TRHDE: variants seen among roughly 807,000 people sequenced by gnomAD.
TRHDE encodes thyrotropin releasing hormone degrading enzyme, also known as thyrotropin-releasing hormone-degrading ectoenzyme.
A neutral mutation model predicts 125.7 loss-of-function variants in TRHDE; 72 were observed. The observed-to-expected ratio is 0.57, with a 90% CI of 0.47 to 0.70. The LOEUF (loss-of-function observed/expected upper bound fraction) is 0.70, where lower values mean the gene tolerates loss of function less well. Among genes scored for constraint, TRHDE ranks in the 30% least tolerant of loss-of-function variants. The pLI, the probability that TRHDE is intolerant of heterozygous loss-of-function variation, is 0.00. For synonymous variants in TRHDE, 509 were observed against 509.1 expected (o/e 1.00, Z 0.00); for missense variants, 1,110 against 1,327.1 (o/e 0.84, Z 2.54).
At chr12:72,335,969 A>C (rs1415065266) in intron 2 of TRHDE, among the ~76,000 whole-genome samples, 1 of 152,208 alleles carries the variant, frequency 6.6e-6, no homozygotes, top group Non-Finnish European at 1.5e-5. Flanking sequence ...AAAAAGTAAA[A>C]GTTGTAAATT....
At chr12:72,605,188 G>A (rs1422213911) in intron 12 of TRHDE, among the ~76,000 whole-genome samples, 4 of 152,018 alleles carry the variant, frequency 2.6e-5, no homozygotes, top group South Asian at 4.2e-4. Context: ...ATGTCCCAAA[G>A]GACAAAAAGT....
chr12:72,175,946 G>C (rs1398268400), intron 2 of TRHDE, among the ~76,000 whole-genome samples: 2 of 152,188 alleles, frequency 1.3e-5, no homozygotes, highest in Non-Finnish European at 1.5e-5. Context: ...TTGTTTTATA[G>C]GGGTTTATGC....
At chr12:72,389,268 T>C (rs779105361) in intron 3 of TRHDE, among the ~76,000 whole-genome samples, 1 of 151,986 alleles carries the variant, frequency 6.6e-6, no homozygotes, top group South Asian at 2.1e-4. Flanking sequence ...GAGGAGGAGA[T>C]CTGACTTGTG....
At chr12:72,138,502 C>G (rs899394617) in intron 2 of TRHDE, among the ~76,000 whole-genome samples, 1 of 152,166 alleles carries the variant, frequency 6.6e-6, no homozygotes, top group Non-Finnish European at 1.5e-5. Flanking sequence ...CTATTCTGAT[C>G]TGGGAGGCAG....
intron 2 of TRHDE, among the ~76,000 whole-genome samples, chr12:72,227,722 C>G (rs1457036132): frequency 1.3e-5 from 2 of 152,160 alleles, no homozygotes; most frequent in African/African-American, 4.8e-5. Context: ...CCCGTAAAAT[C>G]AAAAGCAAGT....
intron 2 of TRHDE, among the ~76,000 whole-genome samples, chr12:72,213,427 C>T (rs753567201): frequency 6.6e-6 from 1 of 152,146 alleles, no homozygotes; most frequent in Non-Finnish European, 1.5e-5. Flanking sequence ...AGATATTTCT[C>T]TTAAATGCTA....
chr12:72,535,179 TAGGTGTTCTTATTATTAAA>T (rs1466555333), intron 6 of TRHDE, among the ~76,000 whole-genome samples: 1 of 152,090 alleles, frequency 6.6e-6, no homozygotes, highest in African/African-American at 2.4e-5. Context: ...AATTTTGAAA[TAGGTGTTCTTATTATTAAA>T]GGTAGTAATA....
chr12:72,627,517 C>T (rs1214865989), intron 15 of TRHDE, among the ~76,000 whole-genome samples: 1 of 151,814 alleles, frequency 6.6e-6, no homozygotes, highest in African/African-American at 2.4e-5. Flanking sequence ...TCATCAAAAT[C>T]ATCATTACTA....
At chr12:72,548,242 C>T (rs1869515266) in intron 7 of TRHDE, among the ~76,000 whole-genome samples, 1 of 151,642 alleles carries the variant, frequency 6.6e-6, no homozygotes, top group Non-Finnish European at 1.5e-5. Flanking sequence ...TTGTCTGTCT[C>T]TGTAGAAGTT....
At chr12:72,344,490 G>C (rs1870224311) in intron 2 of TRHDE, among the ~76,000 whole-genome samples, 1 of 152,234 alleles carries the variant, frequency 6.6e-6, no homozygotes, top group South Asian at 2.1e-4. Flanking sequence ...AATGGACCAA[G>C]ATTGGAATCC....
intron 6 of TRHDE, among the ~76,000 whole-genome samples, chr12:72,507,497 C>A (rs1336994084): frequency 6.6e-6 from 1 of 152,180 alleles, no homozygotes; most frequent in African/African-American, 2.4e-5. Context: ...TTTATGGTAT[C>A]TGGCGGAAGA....
At chr12:72,380,854 T>C (rs1872138266) in intron 3 of TRHDE, among the ~76,000 whole-genome samples, 1 of 143,160 alleles carries the variant, frequency 7.0e-6, no homozygotes, top group Non-Finnish European at 1.5e-5. Context: ...TCCTTCTCTC[T>C]CTCTCTTTCT....
intron 12 of TRHDE, among the ~76,000 whole-genome samples, chr12:72,600,716 A>G (rs1872174056): frequency 6.6e-6 from 1 of 152,000 alleles, no homozygotes; most frequent in African/African-American, 2.4e-5. Context: ...AATTATGCTA[A>G]ATTTACTTTT....
At chr12:72,335,811 T>A (rs1592552487) in intron 2 of TRHDE, among the ~76,000 whole-genome samples, 1 of 152,176 alleles carries the variant, frequency 6.6e-6, no homozygotes, top group Admixed American at 6.5e-5. Flanking sequence ...GTTTGATAAG[T>A]GGGCAAGATA....
intron 2 of TRHDE, among the ~76,000 whole-genome samples, chr12:72,114,348 C>T (rs1469691266): frequency 6.6e-6 from 1 of 152,096 alleles, no homozygotes; most frequent in East Asian, 1.9e-4. Flanking sequence ...TACTTAACTG[C>T]TAATAGCCTA....
chr12:72,625,729 C>A (rs917912216), intron 15 of TRHDE, among the ~76,000 whole-genome samples: 10 of 151,870 alleles, frequency 6.6e-5, no homozygotes, highest in African/African-American at 2.2e-4. Context: ...AAAGGTTATG[C>A]AACTTGCCAA....
intron 12 of TRHDE, among the ~76,000 whole-genome samples, chr12:72,594,568 T>C (rs1459699717): frequency 6.6e-6 from 1 of 151,706 alleles, no homozygotes; most frequent in African/African-American, 2.4e-5. Flanking sequence ...ATAATCCCAT[T>C]TGGTATTTAT....
chr12:72,210,926 A>G (rs1027103366), intron 2 of TRHDE, among the ~76,000 whole-genome samples: 2 of 152,222 alleles, frequency 1.3e-5, no homozygotes, highest in African/African-American at 4.8e-5. Flanking sequence ...TTCATAAGGC[A>G]AAAAATTTCA....
intron 1 of TRHDE, among the ~76,000 whole-genome samples, chr12:72,098,324 G>A (rs2367897): frequency 0.72 from 110,054 of 152,062 alleles, 40,903 homozygotes; most frequent in Non-Finnish European, 0.81. Context: ...GTTTCCCCCA[G>A]TGGTCAAATC....
Sources: gnomAD v4.1 joint callset for allele counts (sites outside exome capture counted in the v4.1 genomes callset) on GRCh38, gnomAD v4.1.1 for gene constraint, MANE v1.5 for transcripts, NCBI Gene and HGNC (gene_info 2026-07-23, HGNC 2026-07-21) for gene names.